UMODL1: variants seen among roughly 807,000 people sequenced by gnomAD.
UMODL1 encodes uromodulin-like 1.
Under a neutral mutation model 136.3 loss-of-function variants are expected in UMODL1, and 128 were observed. That is an observed-to-expected ratio of 0.94 (90% confidence interval 0.81 to 1.09). UMODL1 has a LOEUF of 1.09. UMODL1 is among the 50% of genes least tolerant of loss of function. The probability of loss-of-function intolerance (pLI) is 0.00; values close to 1 mark genes in which losing one functional copy is unlikely to be tolerated. For synonymous variants in UMODL1, 721 were observed against 720.0 expected, an observed-to-expected ratio of 1.00 and a Z score of -0.02; for missense variants, 1,766 against 1,725.6, an observed-to-expected ratio of 1.02 and a Z score of -0.41.
chr21:42,067,658 A>G (rs111367968), upstream of UMODL1, among the ~76,000 whole-genome samples: 577 of 152,260 alleles, frequency 3.8e-3, 2 homozygotes, highest in Admixed American at 8.7e-3. Flanking sequence ...GGCCTTAGCT[A>G]TGCCTTTGCT....
rs1349579506 is a variant in UMODL1, at chr21:42,116,350, T to TG, written c.2475+368dup. On this transcript the variant is annotated intron_variant, in intron 14 of 22. Transcript: ENST00000408910. Reference sequence around the variant, plus strand: ...GCCTGGACAACAGAGTGAAACCCTGTGGGAAAAAAAAAAAAAGAATTCTAG... The same window carrying TG: ...GCCTGGACAACAGAGTGAAACCCTGTGGGGAAAAAAAAAAAAAGAATTCTAG... 6.0e-3 allele frequency among the ~76,000 whole-genome samples: 885 copies of TG among 146,816 alleles called. 5 individuals carry two copies. The highest frequency in any genetic ancestry group is 0.021 in the African/African-American group (823 of 39,660).
At chr21:42,100,280 G>A (rs898984677) in intron 7 of UMODL1, among the ~76,000 whole-genome samples, 2 of 152,182 alleles carry the variant, frequency 1.3e-5, no homozygotes, top group South Asian at 2.1e-4. Flanking sequence ...GAGCATACAA[G>A]TTGCTGCATG....
rs762710156 is a variant in UMODL1 at position 42,127,825 on chromosome 21, C to T, written c.3684C>T (p.Cys1228=). ...RVCMESPGAT[C]KINCNNFRLL... The stretch of plus-strand genomic sequence containing the variant: ...GCATGGAATCCCCCGGAGCCACGTG[C>T]AAAATCGTAAGTGTTTTTTGGTTTT... Residue 1228 remains cysteine (C), a synonymous_variant, in exon 20 of 23, where the codon TGC becomes TGT. Transcript: ENST00000408910. The T allele has an allele frequency of 1.2e-6, 2 of 1,611,766 alleles. No individual in the cohort carries two copies. The highest frequency in any genetic ancestry group is 3.4e-5 in the Admixed American group (2 of 59,366).
At chr21:42,063,041 G>A (rs115518710) in exon 1 of UMODL1, 2,617 of 152,298 alleles carry the variant, frequency 0.017, 29 homozygotes, top group African/African-American at 0.028. Flanking sequence ...CTGGCATCCC[G>A]GGCTCATTGT....
chr21:42,133,484 C>T (rs924771898), intron 21 of UMODL1, among the ~76,000 whole-genome samples: 27 of 152,376 alleles, frequency 1.8e-4, no homozygotes, highest in Non-Finnish European at 3.7e-4. Context: ...CCCTCCACCC[C>T]AGCCCTCACA....
rs2146522181 is a variant in UMODL1, at chr21:42,119,323, G to A, written c.2688G>A (p.Gln896=). ...LEVIRGDTFI[Q]DYDECERKED... is the part of the protein sequence containing the mutation. ...TGATCAGAGGCGACACCTTCATACA[G>A]GGTACGAGAGGCTGGGATGGAGCCT... The change falls in exon 15 of 23, where the codon CAG becomes CAA. Residue 896 remains glutamine, a splice_region_variant and synonymous_variant. Transcript: ENST00000408910. The A allele has an allele frequency of 6.2e-7, 1 of 1,613,320 alleles. No homozygotes were observed. The highest frequency in any genetic ancestry group is 8.5e-7 in the Non-Finnish European group (1 of 1,179,862).
intron 6 of UMODL1, among the ~76,000 whole-genome samples, chr21:42,096,529 C>T (rs1031130688): frequency 7.9e-5 from 12 of 152,202 alleles, no homozygotes; most frequent in Admixed American, 2.0e-4. Context: ...CAAATAAGTA[C>T]GGGTGCCCTT....
In UMODL1 at chr21:42,110,897, A is replaced by ATGGGC. The variant is rs1569162069; in HGVS notation, c.1676_1680dup (p.Gly561TrpfsTer11). The ATGGGC allele has an allele frequency of 1.9e-6, 3 of 1,608,652 alleles. No homozygotes were observed. In the South Asian group the frequency reaches 3.3e-5, roughly 18 times the overall value. ...CTTGGCAGGTGACCTGGTGAGCCCC[A>ATGGGC]TGGGCGGTGGACTGTCTGCGGCAAC... On this transcript the variant is annotated frameshift_variant, in exon 11 of 23. Coordinates refer to ENST00000408910, the MANE Select transcript of UMODL1 (RefSeq NM_001004416.3). LOFTEE classifies it high-confidence loss of function.
intron 1 of UMODL1, among the ~76,000 whole-genome samples, chr21:42,075,484 T>C (rs1341576098): frequency 6.6e-6 from 1 of 152,244 alleles, no homozygotes; most frequent in Non-Finnish European, 1.5e-5. Flanking sequence ...GTCATTGTCA[T>C]GTCCTGGCCA....
At chr21:42,132,025 G>A (rs1463514815) in intron 21 of UMODL1, among the ~76,000 whole-genome samples, 8 of 152,200 alleles carry the variant, frequency 5.3e-5, no homozygotes, top group Non-Finnish European at 1.2e-4. Context: ...GGGGTGAAAA[G>A]CACTAGACTT....
chr21:42,116,353 GAAA>G (rs780549709), intron 14 of UMODL1, among the ~76,000 whole-genome samples: 1 of 141,028 alleles, frequency 7.1e-6, no homozygotes. Flanking sequence ...AACCCTGTGG[GAAA>G]AAAAAAAAAA....
At chr21:42,136,772 T>C (rs1255641670) in intron 21 of UMODL1, among the ~76,000 whole-genome samples, 2 of 152,176 alleles carry the variant, frequency 1.3e-5, no homozygotes, top group African/African-American at 4.8e-5. Context: ...TTTTCTTTCT[T>C]TTTTGAGACC....
chr21:42,079,929 G>A (rs2066341052), intron 2 of UMODL1, among the ~76,000 whole-genome samples: 1 of 152,212 alleles, frequency 6.6e-6, no homozygotes, highest in Non-Finnish European at 1.5e-5. Context: ...GGGCACTGAG[G>A]ACACGGAGTT....
chr21:42,099,624 G>C lies in UMODL1; in HGVS notation c.1186+444G>C, dbSNP rs915571331. 6.6e-6 allele frequency among the ~76,000 whole-genome samples: 1 copy of C among 152,210 alleles called. No homozygotes were observed. Among genetic ancestry groups the C allele is most frequent in the Admixed American group, 6.5e-5 (1 of 15,286 alleles). Reference sequence around the variant, plus strand: ...AGCATCGCTGACGTTTTCACGCCTTGCTTCACTCATGATGCATGTAAAGCG... The same window carrying C: ...AGCATCGCTGACGTTTTCACGCCTTCCTTCACTCATGATGCATGTAAAGCG... On this transcript the variant is annotated intron_variant, in intron 7 of 22. Coordinates refer to ENST00000408910, the MANE Select transcript of UMODL1 (RefSeq NM_001004416.3). This position sits in a 1 kb window ranked among gnomAD's most constrained non-coding sequence, Gnocchi z 4.1.
intron 6 of UMODL1, among the ~76,000 whole-genome samples, chr21:42,093,090 G>A (rs2839467): frequency 0.19 from 28,726 of 152,264 alleles, 3,166 homozygotes; most frequent in East Asian, 0.36. Flanking sequence ...CAACCTTCAT[G>A]AGTGCTTAGG....
Position 42,111,032 on chromosome 21 carries a change from G to A in UMODL1, c.1810G>A (p.Ala604Thr), listed in dbSNP as rs542809207. The A allele has an allele frequency of 8.7e-6, 14 of 1,613,086 alleles. No homozygotes were observed. In the East Asian group the frequency reaches 2.5e-4, roughly 28 times the overall value. Residue 604 changes from alanine (A) to threonine (T), a missense_variant, in exon 11 of 23, where the codon GCC becomes ACC. By Grantham distance (58) the Ala-to-Thr change is moderately conservative. Transcript: ENST00000408910. ...YPQGTPAAGQAWTPEPSPRRG... is the reference protein window; with the variant it reads ...YPQGTPAAGQTWTPEPSPRRG... ...TCAGGGCACCCCGGCAGCAGGCCAG[G>A]CCTGGACCCCAGAGCCCTCACCCAG...
At position 42,122,927 on chromosome 21, in the gene UMODL1, C is replaced by G. The variant is rs755351192; in HGVS notation, c.2924C>G (p.Thr975Ser). 1.2e-6 allele frequency: 2 copies of G among 1,613,694 alleles called. No individual in the cohort carries two copies. The highest frequency in any genetic ancestry group is 2.2e-5 in the East Asian group (1 of 44,874). The change falls in exon 17 of 23, where the codon ACC (threonine) becomes AGC (serine). Residue 975 changes from threonine (T) to serine (S), a missense_variant. Physicochemically the swap from Thr to Ser is moderately conservative, Grantham distance 58. Transcript: ENST00000408910. The surrounding 1 kb of genome is among the most constrained non-coding windows in gnomAD (Gnocchi z 4.3). ...GCCTTTGTGCAAGGCACCAGCCCCA[C>G]CCCCCAAGGCCTGCCCCAGCGGCTG... is the stretch of plus-strand genomic sequence containing the variant. ...KAAFVQGTSPTPQGLPQRLNL... is the reference protein window; with the variant it reads ...KAAFVQGTSPSPQGLPQRLNL...
At chr21:42,140,009 T>C (rs918818035) in intron 22 of UMODL1, among the ~76,000 whole-genome samples, 3 of 152,318 alleles carry the variant, frequency 2.0e-5, no homozygotes, top group African/African-American at 7.2e-5. Context: ...TAGTCTGGGC[T>C]TTGCTGGTGA....
chr21:42,119,331 G>C lies in UMODL1; in HGVS notation c.2689+7G>C. 6.2e-7 allele frequency: 1 copy of C among 1,612,972 alleles called. No individual in the cohort carries two copies. Among genetic ancestry groups the C allele is most frequent in the African/African-American group, 1.3e-5 (1 of 75,050 alleles). ...GGCGACACCTTCATACAGGGTACGA[G>C]AGGCTGGGATGGAGCCTCTCCCGTG... On this transcript the variant is annotated splice_region_variant and intron_variant, in intron 15 of 22. Coordinates refer to ENST00000408910, the MANE Select transcript of UMODL1 (RefSeq NM_001004416.3).
Sources: gnomAD v4.1 joint callset for allele counts (sites outside exome capture counted in the v4.1 genomes callset) on GRCh38, gnomAD v4.1.1 for gene constraint, Gnocchi (gnomAD v3.1) non-coding constraint, MANE v1.5 for transcripts, NCBI Gene and HGNC (gene_info 2026-07-23, HGNC 2026-07-21) for gene names.